FMN1: variants seen among roughly 807,000 people sequenced by gnomAD.
FMN1 encodes formin-1.
In FMN1, 110 loss-of-function variants were observed where a neutral mutation model predicts 132.4. The ratio of observed to expected loss-of-function variants is 0.83; its 90% CI spans 0.71 to 0.97. FMN1 has a LOEUF of 0.97. Among genes scored for constraint, FMN1 ranks in the 50% least tolerant of loss-of-function variants. The pLI, the probability that FMN1 is intolerant of heterozygous loss-of-function variation, is 0.00. For missense variants in FMN1, 1,792 were observed against 1,705.3 expected, an observed-to-expected ratio of 1.05 and a Z score of -0.90; for synonymous variants, 722 against 651.7, an observed-to-expected ratio of 1.11 and a Z score of -1.64.
intron 6 of FMN1, among the ~76,000 whole-genome samples, chr15:33,039,437 CA>C (rs1170793925): frequency 6.6e-6 from 1 of 152,124 alleles, no homozygotes; most frequent in Non-Finnish European, 1.5e-5. Flanking sequence ...TTGTTAAAAA[CA>C]TAATAGGTTA....
intron 19 of FMN1, among the ~76,000 whole-genome samples, chr15:32,790,173 G>A (rs987812565): frequency 6.6e-6 from 1 of 151,932 alleles, no homozygotes; most frequent in African/African-American, 2.4e-5. Flanking sequence ...GCTGATCCCA[G>A]GAATAACACT....
At chr15:33,175,540 C>T (rs1965485828) in intron 3 of FMN1, among the ~76,000 whole-genome samples, 1 of 152,058 alleles carries the variant, frequency 6.6e-6, no homozygotes, top group Admixed American at 6.5e-5. Context: ...GGTAGGGAGC[C>T]CCTATTTCTC....
intron 4 of FMN1, among the ~76,000 whole-genome samples, chr15:33,121,928 T>C (rs987202861): frequency 1.3e-5 from 2 of 152,218 alleles, no homozygotes; most frequent in Admixed American, 1.3e-4. Flanking sequence ...AGAACTTAAT[T>C]AGGTCTCTCT....
At chr15:32,872,603 T>C (rs1346871318) in intron 16 of FMN1, among the ~76,000 whole-genome samples, 1 of 152,250 alleles carries the variant, frequency 6.6e-6, no homozygotes, top group East Asian at 1.9e-4. Context: ...CCTGAGCCTC[T>C]TTATGAATCA....
chr15:32,945,328 A>G (rs1023085028), intron 9 of FMN1, among the ~76,000 whole-genome samples: 5 of 152,060 alleles, frequency 3.3e-5, no homozygotes, highest in African/African-American at 1.2e-4. Context: ...AAGCTATTGT[A>G]CTCATTTAGG....
chr15:33,074,296 CA>C (rs1486701135), intron 5 of FMN1, among the ~76,000 whole-genome samples: 2 of 152,156 alleles, frequency 1.3e-5, no homozygotes, highest in African/African-American at 4.8e-5. Context: ...TAAAGCCAAA[CA>C]AAAGAAAAAG....
chr15:32,897,909 G>A (rs2060198763), intron 15 of FMN1, among the ~76,000 whole-genome samples: 1 of 152,250 alleles, frequency 6.6e-6, no homozygotes, highest in East Asian at 1.9e-4. Context: ...AGAAGGACAA[G>A]GTTTCATGCC....
chr15:33,043,775 G>C (rs1435792755), intron 6 of FMN1, among the ~76,000 whole-genome samples: 1 of 152,216 alleles, frequency 6.6e-6, no homozygotes, highest in Non-Finnish European at 1.5e-5. Flanking sequence ...GGAACAGGCA[G>C]AAGCCCCACC....
At chr15:33,113,767 C>G (rs1426138676) in intron 4 of FMN1, among the ~76,000 whole-genome samples, 1 of 152,190 alleles carries the variant, frequency 6.6e-6, no homozygotes, top group African/African-American at 2.4e-5. Context: ...TCCATGGCCA[C>G]GTCAGTTCTT....
At chr15:33,052,793 C>G (rs758534169) in intron 6 of FMN1, among the ~76,000 whole-genome samples, 5 of 152,154 alleles carry the variant, frequency 3.3e-5, no homozygotes, top group African/African-American at 4.8e-5. Context: ...TGATTGATCC[C>G]CACCCTTCCC....
At chr15:33,052,165 T>C (rs1324657206) in intron 6 of FMN1, among the ~76,000 whole-genome samples, 1 of 152,192 alleles carries the variant, frequency 6.6e-6, no homozygotes, top group East Asian at 1.9e-4. Context: ...CAAGGTTCCT[T>C]CCAGTTCAAA....
chr15:32,919,648 G>T (rs1183725670), intron 10 of FMN1, among the ~76,000 whole-genome samples: 1 of 152,056 alleles, frequency 6.6e-6, no homozygotes, highest in Non-Finnish European at 1.5e-5. Flanking sequence ...TGAGAAACAT[G>T]CACTCAAACT....
chr15:33,004,405 A>C (rs1185843543), intron 7 of FMN1, among the ~76,000 whole-genome samples: 4 of 152,240 alleles, frequency 2.6e-5, no homozygotes, highest in African/African-American at 9.6e-5. Flanking sequence ...TTCTCAAAAG[A>C]AGACATTTAT....
chr15:32,866,033 A>T lies in FMN1; in HGVS notation c.3836-8926T>A, dbSNP rs187115195. 4.1e-4 allele frequency among the ~76,000 whole-genome samples: 63 copies of T among 152,112 alleles called. 1 individual carries two copies. The highest frequency in any genetic ancestry group is 1.3e-3 in the African/African-American group (56 of 41,520). Reference sequence around the variant, plus strand: ...CATATACACCAACAATTGGTACATTAGAAAAATTTCCCCTTTGAGGAACAT... The same window carrying T: ...CATATACACCAACAATTGGTACATTTGAAAAATTTCCCCTTTGAGGAACAT... On this transcript the variant is annotated intron_variant, in intron 16 of 20. Transcript: ENST00000616417.
At chr15:33,068,800 A>T (rs952335350) in intron 5 of FMN1, among the ~76,000 whole-genome samples, 4 of 152,214 alleles carry the variant, frequency 2.6e-5, no homozygotes, top group Middle Eastern at 3.4e-3. Flanking sequence ...AAGCACACCC[A>T]CCACACCCAG....
intron 19 of FMN1, among the ~76,000 whole-genome samples, chr15:32,790,422 T>C (rs1482795505): frequency 2.0e-5 from 3 of 152,212 alleles, no homozygotes; most frequent in South Asian, 4.1e-4. Flanking sequence ...AACAAGAGGA[T>C]GGTGAAGCCA....
chr15:32,848,999 T>TTTTTTTTTTTTTTTTC (rs1304625395), intron 17 of FMN1, among the ~76,000 whole-genome samples: 1 of 145,004 alleles, frequency 6.9e-6, no homozygotes, highest in African/African-American at 2.6e-5. Context: ...TTTTTTTTTT[T>TTTTTTTTTTTTTTTTC]CAGAGACAGA....
chr15:32,916,558 G>A (rs2060689260), intron 10 of FMN1, among the ~76,000 whole-genome samples: 1 of 152,176 alleles, frequency 6.6e-6, no homozygotes, highest in Non-Finnish European at 1.5e-5. Context: ...AGGTAGGTAG[G>A]GTTGGGTTGG....
At chr15:33,001,731 CTTT>C (rs2034131441) in intron 7 of FMN1, among the ~76,000 whole-genome samples, 1 of 113,684 alleles carries the variant, frequency 8.8e-6, no homozygotes, top group Non-Finnish European at 1.8e-5. Flanking sequence ...TCCTCCTCTT[CTTT>C]TTTGATACAA....
Sources: gnomAD v4.1 joint callset for allele counts (sites outside exome capture counted in the v4.1 genomes callset) on GRCh38, gnomAD v4.1.1 for gene constraint, MANE v1.5 for transcripts, NCBI Gene and HGNC (gene_info 2026-07-23, HGNC 2026-07-21) for gene names.